Variants in DNAH7 observed in about 807,000 individuals in gnomAD.
DNAH7 encodes dynein axonemal heavy chain 7.
DNAH7 carries 397 observed loss-of-function variants against 444.6 expected under a neutral mutation model. The observed-to-expected ratio is 0.89, with a 90% CI of 0.82 to 0.97. The LOEUF is 0.97. Among genes scored for constraint, DNAH7 ranks in the 50% least tolerant of loss-of-function variants. The pLI, the probability that DNAH7 is intolerant of heterozygous loss-of-function variation, is 0.00. For synonymous variants in DNAH7, 1,636 were observed against 1,624.4 expected (o/e 1.01, Z -0.17); for missense variants, 4,902 against 4,800.8 (o/e 1.02, Z -0.62).
rs180989746 is a variant in DNAH7 at position 196,026,705 on chromosome 2, A to C, written c.667+55T>G. The C allele has an allele frequency of 2.2e-5, 28 of 1,262,804 alleles. No homozygotes were observed. The African/African-American group carries it at 3.9e-4, about 18-fold the overall frequency. 78.2% of individuals were successfully genotyped at this position (1,262,804 alleles called of 1,614,324 possible). On this transcript the variant is annotated intron_variant, in intron 7 of 64. Transcript: ENST00000312428. The stretch of plus-strand genomic sequence containing the variant: ...GTATAGGTATTATTAATACAAAAAT[A>C]ATCTTTAATGAGACACATATTTGAA...
chr2:195,914,106 C>A (rs1051136019), intron 24 of DNAH7, among the ~76,000 whole-genome samples: 1 of 152,192 alleles, frequency 6.6e-6, no homozygotes, highest in Non-Finnish European at 1.5e-5. Flanking sequence ...ATTAATATAT[C>A]TGTAGCACCT....
intron 46 of DNAH7, among the ~76,000 whole-genome samples, chr2:195,849,524 G>A (rs540511563): frequency 3.3e-5 from 5 of 152,218 alleles, no homozygotes; most frequent in East Asian, 3.9e-4. Context: ...GTATTGCTAC[G>A]TAGGGAGGAG....
chr2:195,794,320 G>A lies in DNAH7; in HGVS notation c.10716+18C>T. The A allele has an allele frequency of 1.2e-6, 2 of 1,613,602 alleles. No individual in the cohort carries two copies. Among genetic ancestry groups the A allele is most frequent in the Non-Finnish European group, 1.7e-6 (2 of 1,179,616 alleles). ...GTGCTTTACAGGGCCGAGGTAACAA[G>A]ACTTAACCATTACTAACAGGCTTTT... On this transcript the variant is annotated intron_variant, in intron 57 of 64. Coordinates refer to ENST00000312428, the MANE Select transcript of DNAH7 (RefSeq NM_018897.3).
chr2:195,779,944 T>C (rs1279291647), intron 58 of DNAH7, among the ~76,000 whole-genome samples: 1 of 152,334 alleles, frequency 6.6e-6, no homozygotes, highest in East Asian at 1.9e-4. Flanking sequence ...ATATACTCTT[T>C]TATAAACTGA....
chr2:195,793,690 TAAAAC>T (rs1233681579), intron 57 of DNAH7, among the ~76,000 whole-genome samples: 5 of 152,230 alleles, frequency 3.3e-5, no homozygotes, highest in Admixed American at 6.5e-5. Context: ...GATGTGCACT[TAAAAC>T]AAATTCAGAC....
chr2:195,917,101 CAAAAAAA>C (rs34903739), intron 24 of DNAH7, among the ~76,000 whole-genome samples: 7 of 53,364 alleles, frequency 1.3e-4, no homozygotes, highest in African/African-American at 4.6e-4. Flanking sequence ...GACTCCACCT[CAAAAAAA>C]AAAAAAAAAA....
intron 24 of DNAH7, among the ~76,000 whole-genome samples, chr2:195,915,883 T>A (rs1022209671): frequency 2.0e-5 from 3 of 152,256 alleles, no homozygotes; most frequent in Admixed American, 6.5e-5. Context: ...ACATGAGAGC[T>A]CTGAATTGAG....
Position 195,886,237 on chromosome 2 carries a change from C to G in DNAH7, c.5442G>C (p.Arg1814=). The part of the protein sequence containing the change: ...LSPTSDTNLV[R]SLMNLIDCFM... Reference sequence around the variant, plus strand: ...AACAGTCTATTAGATTCATTAAGGACCGGACCAAGTTTGTATCGGAAGTAG... The same window carrying G: ...AACAGTCTATTAGATTCATTAAGGAGCGGACCAAGTTTGTATCGGAAGTAG... The change falls in exon 34 of 65, where the codon CGG becomes CGC. Residue 1814 remains arginine, a synonymous_variant. Coordinates refer to ENST00000312428, the MANE Select transcript of DNAH7 (RefSeq NM_018897.3). The G allele has an allele frequency of 6.2e-7, 1 of 1,613,320 alleles. No individual in the cohort carries two copies. Among genetic ancestry groups the G allele is most frequent in the Non-Finnish European group, 8.5e-7 (1 of 1,179,700 alleles).
intron 35 of DNAH7, among the ~76,000 whole-genome samples, chr2:195,882,385 T>C (rs570702201): frequency 6.6e-6 from 1 of 152,340 alleles, no homozygotes; most frequent in African/African-American, 2.4e-5. Context: ...CCCTAGAAGA[T>C]AAGCTGCATA....
chr2:196,011,708 G>T (rs1694735761), intron 10 of DNAH7, among the ~76,000 whole-genome samples: 1 of 152,116 alleles, frequency 6.6e-6, no homozygotes, highest in African/African-American at 2.4e-5. Context: ...TCTTCCCTGA[G>T]AATCAATCAG....
intron 19 of DNAH7, among the ~76,000 whole-genome samples, chr2:195,938,047 A>G (rs1689170063): frequency 6.6e-6 from 1 of 152,132 alleles, no homozygotes; most frequent in Admixed American, 6.6e-5. Context: ...AAATGTAACC[A>G]GTAAATTTTT....
At chr2:195,831,667 A>C (rs1017597396) in intron 48 of DNAH7, among the ~76,000 whole-genome samples, 4 of 152,256 alleles carry the variant, frequency 2.6e-5, no homozygotes, top group Non-Finnish European at 5.9e-5. Flanking sequence ...TAGCATTTAA[A>C]AAGTATTTTA....
chr2:196,015,616 A>G (rs1244695639), intron 9 of DNAH7, among the ~76,000 whole-genome samples: 1 of 152,216 alleles, frequency 6.6e-6, no homozygotes, highest in African/African-American at 2.4e-5. Context: ...CTGTAAGTGT[A>G]AATACCAATA....
chr2:195,868,157 G>A (rs1166620424), intron 40 of DNAH7, among the ~76,000 whole-genome samples: 3 of 140,200 alleles, frequency 2.1e-5, no homozygotes, highest in Non-Finnish European at 4.5e-5. Context: ...GTGCAGTGGT[G>A]CGATCTCGGC....
chr2:195,936,814 A>C, intron 19 of DNAH7, 22 bp from the exon 20 acceptor site: 2 of 1,465,236 alleles, frequency 1.4e-6, no homozygotes, highest in Non-Finnish European at 1.8e-6. Context: ...AATAAAAAAC[A>C]CTCAATTCAA....
chr2:196,003,223 G>C (rs550592764), intron 10 of DNAH7, among the ~76,000 whole-genome samples: 46 of 150,266 alleles, frequency 3.1e-4, no homozygotes, highest in African/African-American at 1.1e-3. Flanking sequence ...ATTCAAAGTG[G>C]AAGAATTATA....
At chr2:196,025,913 A>C (rs936981847) in intron 7 of DNAH7, among the ~76,000 whole-genome samples, 4 of 152,142 alleles carry the variant, frequency 2.6e-5, no homozygotes, top group African/African-American at 9.7e-5. Flanking sequence ...TTACTATCAT[A>C]ACCAACTGGA....
Position 196,041,782 on chromosome 2 carries a change from A to G in DNAH7, c.398+5570T>C, listed in dbSNP as rs148094077. Among the ~76,000 whole-genome samples, 668 of 152,158 alleles carry G rather than the reference A, an allele frequency of 4.4e-3. 7 individuals carry two copies. The highest frequency in any genetic ancestry group is 0.015 in the African/African-American group (619 of 41,534). ...GAGAAAACCCACAGAATGGGAGAAA[A>G]TATTTGCAAACTATCCATAGACAAG... is the stretch of plus-strand genomic sequence containing the variant. On this transcript the variant is annotated intron_variant, in intron 5 of 64. Transcript: ENST00000312428.
At chr2:196,000,174 CTGAT>C (rs1461873110) in intron 12 of DNAH7, among the ~76,000 whole-genome samples, 1 of 152,104 alleles carries the variant, frequency 6.6e-6, no homozygotes, top group Admixed American at 6.5e-5. Flanking sequence ...GAGAAAGCTT[CTGAT>C]TGGACTTACA....
Sources: allele counts gnomAD v4.1 joint callset (sites outside exome capture counted in the v4.1 genomes callset), GRCh38; gene constraint gnomAD v4.1.1; transcripts MANE v1.5; gene names NCBI Gene and HGNC (gene_info 2026-07-23, HGNC 2026-07-21).